The following KDM4C variants were observed in gnomAD, a reference collection of about 807,000 sequenced individuals.
KDM4C encodes the protein lysine-specific demethylase 4C.
Under a neutral mutation model 129.3 loss-of-function variants are expected in KDM4C, and 81 were observed. The observed-to-expected ratio is 0.63, with a 90% confidence interval of 0.52 to 0.75. The LOEUF is 0.75. Among genes scored for constraint, KDM4C ranks in the 30% least tolerant of loss-of-function variants. The pLI is 0.00. For missense variants in KDM4C, 1,457 were observed against 1,304.0 expected, an observed-to-expected ratio of 1.12 and a Z score of -1.81; for synonymous variants, 573 against 456.1, an observed-to-expected ratio of 1.26 and a Z score of -3.26.
intron 1 of KDM4C, among the ~76,000 whole-genome samples, chr9:6,771,844 G>C (rs543484337): frequency 2.0e-4 from 30 of 150,552 alleles, no homozygotes; most frequent in Non-Finnish European, 3.3e-4. Context: ...GCCTCAATGG[G>C]TGACCTGCAT....
At chr9:7,107,774 A>G (rs1837862966) in intron 18 of KDM4C, among the ~76,000 whole-genome samples, 1 of 152,202 alleles carries the variant, frequency 6.6e-6, no homozygotes, top group Non-Finnish European at 1.5e-5. Flanking sequence ...AAAACGCTGT[A>G]TTGGTTAATT....
At chr9:6,961,515 T>C (rs948955194) in intron 8 of KDM4C, among the ~76,000 whole-genome samples, 39 of 152,210 alleles carry the variant, frequency 2.6e-4, no homozygotes, top group African/African-American at 8.9e-4. Flanking sequence ...GAAGGTAACA[T>C]TGTAACTATT....
chr9:7,082,250 A>G (rs1234687101), intron 17 of KDM4C, among the ~76,000 whole-genome samples: 2 of 152,184 alleles, frequency 1.3e-5, no homozygotes, highest in Admixed American at 6.5e-5. Context: ...ACCTTAGCCC[A>G]CCAGAATGGT....
At chr9:6,771,140 C>A (rs1821757262) in intron 1 of KDM4C, among the ~76,000 whole-genome samples, 1 of 125,726 alleles carries the variant, frequency 8.0e-6, no homozygotes, top group Admixed American at 9.5e-5. Context: ...GTTGCCCAGG[C>A]TGGTCTCAAA....
At chr9:6,990,641 TAGG>T in intron 12 of KDM4C, 117 bp downstream of exon 12, 1 of 640,324 alleles carries the variant, frequency 1.6e-6, no homozygotes, top group Non-Finnish European at 2.8e-6. Context: ...TACGTACTAT[TAGG>T]AGATCATACA....
intron 17 of KDM4C, among the ~76,000 whole-genome samples, chr9:7,063,566 A>G (rs1049165285): frequency 6.6e-6 from 1 of 152,256 alleles, no homozygotes; most frequent in Non-Finnish European, 1.5e-5. Context: ...TAGTTAGGTG[A>G]TAAAGTTACT....
chr9:7,149,331 G>A (rs1002556887), intron 19 of KDM4C, among the ~76,000 whole-genome samples: 2 of 152,226 alleles, frequency 1.3e-5, no homozygotes, highest in Non-Finnish European at 2.9e-5. Flanking sequence ...TACCAGGAGC[G>A]GGGAGAAGCC....
chr9:6,959,191 C>G (rs190837965), intron 8 of KDM4C, among the ~76,000 whole-genome samples: 165 of 152,302 alleles, frequency 1.1e-3, no homozygotes, highest in Admixed American at 2.2e-3. Flanking sequence ...AAGAGGAGCA[C>G]TAGAGAGCCC....
At chr9:6,835,422 G>A (rs904395012) in intron 4 of KDM4C, 29 of 1,167,320 alleles carry the variant, frequency 2.5e-5, no homozygotes, top group South Asian at 2.1e-4. Flanking sequence ...CGCCCAGCAC[G>A]ATGAAGATCA....
At chr9:6,732,088 C>A (rs924115465) in intron 1 of KDM4C, among the ~76,000 whole-genome samples, 5 of 152,020 alleles carry the variant, frequency 3.3e-5, no homozygotes, top group African/African-American at 1.2e-4. Flanking sequence ...GAGGCTGGGG[C>A]TGGGTGTGGT....
chr9:6,769,794 A>G (rs1009439661), intron 1 of KDM4C, among the ~76,000 whole-genome samples: 9 of 152,264 alleles, frequency 5.9e-5, no homozygotes, highest in African/African-American at 2.2e-4. Flanking sequence ...TTGCTGTTTA[A>G]CAACAAAGAA....
At chr9:7,143,085 C>T (rs534942982) in intron 19 of KDM4C, among the ~76,000 whole-genome samples, 11 of 152,196 alleles carry the variant, frequency 7.2e-5, no homozygotes, top group Non-Finnish European at 1.6e-4. Flanking sequence ...CCCCTCCCAG[C>T]TTACTCTATA....
intron 1 of KDM4C, among the ~76,000 whole-genome samples, chr9:6,762,378 C>T (rs1015658716): frequency 6.6e-6 from 1 of 150,968 alleles, no homozygotes; most frequent in African/African-American, 2.4e-5. Flanking sequence ...CAGTGTGTTG[C>T]TCAGGCTAGT....
At chr9:6,739,985 G>A (rs1337045676) in intron 1 of KDM4C, among the ~76,000 whole-genome samples, 2 of 152,110 alleles carry the variant, frequency 1.3e-5, no homozygotes, top group East Asian at 3.8e-4. Flanking sequence ...TGCCTCGTGG[G>A]TTCAAGTGAT....
intron 17 of KDM4C, among the ~76,000 whole-genome samples, chr9:7,054,410 A>G (rs1021977616): frequency 2.0e-5 from 3 of 152,242 alleles, no homozygotes; most frequent in African/African-American, 7.2e-5. Context: ...TGCACAGACA[A>G]AAACAAGGGA....
At chr9:7,043,057 A>G (rs1245203728) in intron 15 of KDM4C, among the ~76,000 whole-genome samples, 1 of 152,072 alleles carries the variant, frequency 6.6e-6, no homozygotes, top group Non-Finnish European at 1.5e-5. Context: ...ATTGGGTTGG[A>G]TGATTTTAGG....
chr9:6,968,832 T>C (rs1315256784), intron 8 of KDM4C, among the ~76,000 whole-genome samples: 1 of 152,236 alleles, frequency 6.6e-6, no homozygotes, highest in African/African-American at 2.4e-5. Flanking sequence ...TAAAGTGAGA[T>C]GGTATTTTAT....
chr9:6,909,919 G>A (rs1476058168), intron 8 of KDM4C, among the ~76,000 whole-genome samples: 2 of 152,150 alleles, frequency 1.3e-5, no homozygotes, highest in South Asian at 2.1e-4. Flanking sequence ...AAGATTTCAC[G>A]TATATCTTTG....
chr9:7,106,217 C>T (rs1476894449), intron 18 of KDM4C, among the ~76,000 whole-genome samples: 1 of 152,136 alleles, frequency 6.6e-6, no homozygotes, highest in Non-Finnish European at 1.5e-5. Flanking sequence ...TTGTGATTTG[C>T]CCCTATTGCT....
Sources: gnomAD v4.1 joint callset for allele counts (sites outside exome capture counted in the v4.1 genomes callset) on GRCh38, gnomAD v4.1.1 for gene constraint, MANE v1.5 for transcripts, NCBI Gene and HGNC (gene_info 2026-07-23, HGNC 2026-07-21) for gene names.